ZNF385D: variants seen among roughly 807,000 people sequenced by gnomAD.
The protein encoded by ZNF385D is zinc finger protein 385D.
A neutral mutation model predicts 35.8 loss-of-function variants in ZNF385D; 15 were observed. The observed-to-expected ratio is 0.42, with a 90% CI of 0.28 to 0.64. The LOEUF (loss-of-function observed/expected upper bound fraction) is 0.64. Ranked by LOEUF, ZNF385D falls within the 30% of genes least tolerant of loss-of-function variation. The probability of loss-of-function intolerance (pLI) is 0.23; values close to 1 mark genes in which losing one functional copy is unlikely to be tolerated. For missense variants in ZNF385D, 474 were observed against 494.6 expected, an observed-to-expected ratio of 0.96 and a Z score of 0.39; for synonymous variants, 212 against 186.8, an observed-to-expected ratio of 1.13 and a Z score of -1.10.
Position 22,282,239 on chromosome 3 carries a change from G to T in ZNF385D, c.106+90211C>A, listed in dbSNP as rs144138712. 1.4e-3 allele frequency among the ~76,000 whole-genome samples: 205 copies of T among 151,794 alleles called. 1 individual carries two copies. The highest frequency in any genetic ancestry group is 4.7e-3 in the African/African-American group (193 of 41,446). On this transcript the variant is annotated intron_variant, in intron 2 of 5. Coordinates refer to the ZNF385D transcript ENST00000494108. ...TGTTGTACTGTTTTAATTTCATTTA[G>T]TTCTGCTCTGATCTTTGTTATTTCT...
chr3:21,707,488 C>T (rs1430257816), intron 1 of ZNF385D, among the ~76,000 whole-genome samples: 10 of 152,178 alleles, frequency 6.6e-5, no homozygotes, highest in Admixed American at 5.9e-4. Context: ...ATCCTGATAT[C>T]TCCTTTAATG....
At chr3:21,993,948 G>C (rs568940938) in intron 3 of ZNF385D, among the ~76,000 whole-genome samples, 4 of 152,192 alleles carry the variant, frequency 2.6e-5, no homozygotes, top group African/African-American at 9.6e-5. Flanking sequence ...TAAGTTACTG[G>C]ATTTTAAGGT....
At chr3:21,969,524 T>C (rs1286700026) in intron 3 of ZNF385D, among the ~76,000 whole-genome samples, 1 of 152,176 alleles carries the variant, frequency 6.6e-6, no homozygotes, top group African/African-American at 2.4e-5. Flanking sequence ...TCTTGAGCAG[T>C]TCTTTATAGC....
chr3:22,266,073 C>T (rs1368973278), intron 2 of ZNF385D, among the ~76,000 whole-genome samples: 1 of 151,946 alleles, frequency 6.6e-6, no homozygotes, highest in East Asian at 1.9e-4. Flanking sequence ...TCAAATGACT[C>T]CTACAGCCCT....
At chr3:22,209,835 G>A (rs1020347854) in intron 2 of ZNF385D, among the ~76,000 whole-genome samples, 9 of 151,610 alleles carry the variant, frequency 5.9e-5, no homozygotes, top group Admixed American at 2.6e-4. Flanking sequence ...TATATGTGGT[G>A]ATTATAAGCT....
intron 3 of ZNF385D, among the ~76,000 whole-genome samples, chr3:21,536,604 T>C (rs161196): frequency 0.96 from 146,710 of 152,192 alleles, 70,764 homozygotes; most frequent in East Asian, 1. Context: ...GCACTATATA[T>C]GAAGCAATAC....
chr3:21,988,015 T>C lies in ZNF385D; in HGVS notation c.325+180802A>G, dbSNP rs1235393911. ...TAGTTCTCGAGCCTTGGTTTTCAGC[T>C]CCATCAGCTCCTTTAAGCACTTCTC... On this transcript the variant is annotated intron_variant, in intron 3 of 5. Transcript: ENST00000494108. Among the ~76,000 whole-genome samples the C allele has an allele frequency of 2.1e-5, 3 of 145,598 alleles. 1 individual carries two copies. The highest frequency in any genetic ancestry group is 4.6e-5 in the Non-Finnish European group (3 of 65,556).
chr3:22,261,105 ATCCATC>A (rs1700606150), intron 2 of ZNF385D, among the ~76,000 whole-genome samples: 2 of 145,618 alleles, frequency 1.4e-5, no homozygotes, highest in Non-Finnish European at 2.9e-5. Context: ...CCATCCATCC[ATCCATC>A]CATCCATCCA....
intron 1 of ZNF385D, among the ~76,000 whole-genome samples, chr3:21,724,519 G>C (rs1188807890): frequency 1.8e-5 from 1 of 54,646 alleles, no homozygotes; most frequent in South Asian, 5.9e-4. Context: ...AAAAAAAAAA[G>C]CAGGAGTTGC....
intron 3 of ZNF385D, among the ~76,000 whole-genome samples, chr3:22,129,596 A>G (rs1232963938): frequency 1.3e-5 from 2 of 152,132 alleles, no homozygotes; most frequent in Non-Finnish European, 2.9e-5. Context: ...ATCTCTGCCC[A>G]CGGCCATAAC....
chr3:21,664,966 G>T lies in ZNF385D; in HGVS notation c.85C>A (p.Pro29Thr), dbSNP rs368434662. The T allele has an allele frequency of 1.9e-6, 3 of 1,613,576 alleles. No homozygotes were observed. The highest frequency in any genetic ancestry group is 3.3e-5 in the Admixed American group (2 of 59,978). Residue 29 changes from proline (P) to threonine (T), a missense_variant, in exon 2 of 8, where the codon CCA becomes ACA. By Grantham distance (38) the Pro-to-Thr change is conservative. Coordinates refer to ENST00000281523, the MANE Select transcript of ZNF385D (RefSeq NM_024697.3). ...AGAAATGGTTTAATATCCAGCGATG[G>T]TTGCAAAGGAGGGGCTGGTGGACGG... ...LVRPPAPPLQ[P>T]SLDIKPFLPF...
chr3:21,762,677 C>T (rs747892629), intron 3 of ZNF385D, among the ~76,000 whole-genome samples: 146 of 152,254 alleles, frequency 9.6e-4, no homozygotes, highest in Non-Finnish European at 1.7e-3. Context: ...AGACATGTTG[C>T]TAAGGTGCTA....
At chr3:22,327,802 C>T (rs987693805) in intron 2 of ZNF385D, among the ~76,000 whole-genome samples, 1 of 152,130 alleles carries the variant, frequency 6.6e-6, no homozygotes, top group Non-Finnish European at 1.5e-5. Context: ...TCGACTTTGT[C>T]CCTGTGCTTT....
chr3:22,173,227 T>A (rs1340290855), intron 2 of ZNF385D, among the ~76,000 whole-genome samples: 2 of 152,114 alleles, frequency 1.3e-5, no homozygotes, highest in Non-Finnish European at 2.9e-5. Context: ...ATACTAAAAC[T>A]AAATGAAATG....
intron 3 of ZNF385D, among the ~76,000 whole-genome samples, chr3:21,794,113 A>G (rs188677838): frequency 6.6e-6 from 1 of 152,276 alleles, no homozygotes; most frequent in East Asian, 1.9e-4. Context: ...AAAACAAATG[A>G]GAGCCTTATG....
chr3:22,343,657 T>C (rs1006313752), intron 2 of ZNF385D, among the ~76,000 whole-genome samples: 5 of 152,236 alleles, frequency 3.3e-5, no homozygotes, highest in African/African-American at 1.2e-4. Context: ...ACTAATCTCA[T>C]TGACCCTATA....
intron 3 of ZNF385D, among the ~76,000 whole-genome samples, chr3:22,151,199 T>C (rs753893922): frequency 3.9e-5 from 6 of 152,050 alleles, no homozygotes; most frequent in Non-Finnish European, 7.4e-5. Flanking sequence ...CTGGAGTGCA[T>C]TGGGGCTGGG....
chr3:22,056,568 G>C (rs1258622147), intron 3 of ZNF385D, among the ~76,000 whole-genome samples: 1 of 152,000 alleles, frequency 6.6e-6, no homozygotes, highest in Admixed American at 6.6e-5. Context: ...GTTTAAAAAT[G>C]GTTCTGACCA....
At chr3:21,477,042 C>G (rs533369241) in intron 4 of ZNF385D, among the ~76,000 whole-genome samples, 19 of 152,166 alleles carry the variant, frequency 1.2e-4, no homozygotes, top group Non-Finnish European at 2.4e-4. Flanking sequence ...ATTTAAGTCA[C>G]TTCTTCCTTT....
Sources: gnomAD v4.1 joint callset for allele counts (sites outside exome capture counted in the v4.1 genomes callset) on GRCh38, gnomAD v4.1.1 for gene constraint, MANE v1.5 for transcripts, NCBI Gene and HGNC (gene_info 2026-07-23, HGNC 2026-07-21) for gene names.